ANK2: variants seen among roughly 807,000 people sequenced by gnomAD.
ANK2 encodes the protein ankyrin 2, also known as ankyrin-2.
A neutral mutation model predicts 360.5 loss-of-function variants in ANK2; 83 were observed. The observed-to-expected ratio is 0.23, with a 90% CI of 0.19 to 0.28. The LOEUF (loss-of-function observed/expected upper bound fraction) is 0.28. Among genes scored for constraint, ANK2 ranks in the 10% least tolerant of loss-of-function variants. The probability of loss-of-function intolerance (pLI) is 1.00; values close to 1 mark genes in which losing one functional copy is unlikely to be tolerated. For missense variants in ANK2, 4,201 were observed against 4,795.7 expected, an observed-to-expected ratio of 0.88 and a Z score of 3.66; for synonymous variants, 1,740 against 1,759.5, an observed-to-expected ratio of 0.99 and a Z score of 0.28.
At chr4:113,068,816 T>A (rs1025316210) in intron 1 of ANK2, among the ~76,000 whole-genome samples, 1 of 152,162 alleles carries the variant, frequency 6.6e-6, no homozygotes, top group African/African-American at 2.4e-5. Context: ...ATCTCAGCAC[T>A]TTGGGAGGCT....
chr4:113,253,069 C>T (rs1221710090), intron 10 of ANK2, among the ~76,000 whole-genome samples: 1 of 152,198 alleles, frequency 6.6e-6, no homozygotes, highest in East Asian at 1.9e-4. Flanking sequence ...CAGAGACTCC[C>T]ACCTCCATAT....
intron 1 of ANK2, among the ~76,000 whole-genome samples, chr4:113,097,108 T>TTTTTTTTTTTTTTTTTTTTTTGAGACGG (rs1268458498): frequency 1.2e-4 from 18 of 147,560 alleles, no homozygotes; most frequent in Non-Finnish European, 2.1e-4. Context: ...TTTCCTTTTT[T>TTTTTTTTTTTTTTTTTTTTTTGAGACGG]ATATCATTAG....
chr4:113,081,108 T>C (rs115356844), intron 1 of ANK2, among the ~76,000 whole-genome samples: 1,995 of 152,356 alleles, frequency 0.013, 45 homozygotes, highest in African/African-American at 0.044. Flanking sequence ...ATTTTGTATA[T>C]TTTAAAGAAT....
chr4:112,914,358 C>T (rs1271344401), intron 2 of ANK2, among the ~76,000 whole-genome samples: 8 of 152,182 alleles, frequency 5.3e-5, no homozygotes, highest in African/African-American at 7.2e-5. Flanking sequence ...TCGTGGCTCA[C>T]GCCGGTAATC....
intron 1 of ANK2, among the ~76,000 whole-genome samples, chr4:112,856,443 A>G (rs1285835648): frequency 6.6e-6 from 1 of 152,184 alleles, no homozygotes; most frequent in Non-Finnish European, 1.5e-5. Flanking sequence ...AAAGTGTATT[A>G]TTGGCCGGGT....
the ANK2 span, among the ~76,000 whole-genome samples, chr4:112,733,613 C>T: frequency 6.6e-6 from 1 of 152,096 alleles, no homozygotes; most frequent in South Asian, 2.1e-4. Flanking sequence ...GCATCTAGCT[C>T]AAATTAAACA....
chr4:112,908,654 G>C (rs985107232), intron 2 of ANK2, among the ~76,000 whole-genome samples: 1 of 152,208 alleles, frequency 6.6e-6, no homozygotes, highest in Non-Finnish European at 1.5e-5. Flanking sequence ...TTAGAGGACT[G>C]TCTCTGCAGG....
At chr4:112,839,897 GA>G (rs1309335398) in intron 1 of ANK2, among the ~76,000 whole-genome samples, 5 of 152,112 alleles carry the variant, frequency 3.3e-5, no homozygotes, top group Non-Finnish European at 7.4e-5. Flanking sequence ...TTCCTTCAGG[GA>G]AAAACCTCTT....
chr4:112,948,866 A>G (rs1185807504), intron 2 of ANK2, among the ~76,000 whole-genome samples: 3 of 152,114 alleles, frequency 2.0e-5, no homozygotes, highest in African/African-American at 7.2e-5. Flanking sequence ...GAGGCTAGTG[A>G]GTAGAGAGAT....
At chr4:113,077,967 C>G (rs2154345132) in intron 1 of ANK2, among the ~76,000 whole-genome samples, 1 of 122,918 alleles carries the variant, frequency 8.1e-6, no homozygotes. Flanking sequence ...ACATCCAGGG[C>G]CACATCTCAT....
At chr4:112,832,874 T>C (rs2060103307) in intron 1 of ANK2, among the ~76,000 whole-genome samples, 1 of 152,240 alleles carries the variant, frequency 6.6e-6, no homozygotes, top group Admixed American at 6.5e-5. Flanking sequence ...AAGAGACAAC[T>C]GTATACTTGT....
intron 10 of ANK2, among the ~76,000 whole-genome samples, chr4:113,252,500 C>G (rs72898100): frequency 0.055 from 8,352 of 152,246 alleles, 277 homozygotes; most frequent in African/African-American, 0.085. Flanking sequence ...CTTATTCTTG[C>G]TGACTTTAAT....
intron 1 of ANK2, among the ~76,000 whole-genome samples, chr4:113,143,361 A>C (rs2096713811): frequency 4.0e-5 from 2 of 49,482 alleles, no homozygotes; most frequent in South Asian, 1.1e-3. Context: ...CGAGCTGTTA[A>C]AGCACAGCAA....
intron 1 of ANK2, among the ~76,000 whole-genome samples, chr4:112,843,416 G>A (rs1310459093): frequency 6.6e-6 from 1 of 152,180 alleles, no homozygotes; most frequent in African/African-American, 2.4e-5. Flanking sequence ...GAGGCTGCGA[G>A]AACAACATTT....
At chr4:113,031,165 T>A (rs550821372) in intron 2 of ANK2, 1 of 152,086 alleles carries the variant, frequency 6.6e-6, no homozygotes, top group Non-Finnish European at 1.5e-5. Context: ...CCAAAAACTC[T>A]TTAAAATATA....
rs58923688 is a variant in ANK2, at chr4:113,186,113, C to T, written c.187-10255C>T. Reference sequence around the variant, plus strand: ...TCCCATGCCTCTTGACTGGGAGACACCTTACAGCAGGAGCTGACAGACACC... The same window carrying T: ...TCCCATGCCTCTTGACTGGGAGACATCTTACAGCAGGAGCTGACAGACACC... On this transcript the variant is annotated intron_variant, in intron 2 of 45. Coordinates refer to ENST00000357077, the MANE Select transcript of ANK2 (RefSeq NM_001148.6). Among the ~76,000 whole-genome samples, 1,190 of 152,270 alleles carry T rather than the reference C, an allele frequency of 7.8e-3. 22 individuals are homozygous for T. The highest frequency in any genetic ancestry group is 0.028 in the African/African-American group (1,149 of 41,540).
At chr4:113,020,290 C>T (rs1424453598) in intron 2 of ANK2, among the ~76,000 whole-genome samples, 1 of 152,100 alleles carries the variant, frequency 6.6e-6, no homozygotes, top group East Asian at 1.9e-4. Flanking sequence ...GGTCTCAAGC[C>T]ATTTTTCTAC....
At chr4:113,290,185 A>G (rs3025716) in intron 20 of ANK2, among the ~76,000 whole-genome samples, 1 of 148,056 alleles carries the variant, frequency 6.8e-6, no homozygotes, top group African/African-American at 2.5e-5. Context: ...TTTTTTTTTT[A>G]AGTGAACTAA....
At chr4:113,250,658 G>A (rs1242065861) in intron 10 of ANK2, among the ~76,000 whole-genome samples, 4 of 151,460 alleles carry the variant, frequency 2.6e-5, no homozygotes. Flanking sequence ...GCTGATTAAT[G>A]TGATATGCAG....
Sources: allele counts gnomAD v4.1 joint callset (sites outside exome capture counted in the v4.1 genomes callset), GRCh38; gene constraint gnomAD v4.1.1; transcripts MANE v1.5; gene names NCBI Gene and HGNC (gene_info 2026-07-23, HGNC 2026-07-21).